AGBL4: variants seen among roughly 807,000 people sequenced by gnomAD.
AGBL4 encodes AGBL carboxypeptidase 4, also known as cytosolic carboxypeptidase 6.
A neutral mutation model predicts 66.4 loss-of-function variants in AGBL4; 58 were observed. The ratio of observed to expected loss-of-function variants is 0.87; its 90% CI spans 0.71 to 1.09. The LOEUF (loss-of-function observed/expected upper bound fraction) is 1.09. Among genes scored for constraint, AGBL4 ranks in the 50% least tolerant of loss-of-function variants. AGBL4 has a pLI of 0.00. For missense variants in AGBL4, 579 were observed against 631.0 expected, an observed-to-expected ratio of 0.92 and a Z score of 0.88; for synonymous variants, 234 against 222.9, an observed-to-expected ratio of 1.05 and a Z score of -0.44.
At chr1:49,023,844 T>C (rs551117450) in intron 5 of AGBL4, among the ~76,000 whole-genome samples, 1 of 152,280 alleles carries the variant, frequency 6.6e-6, no homozygotes, top group South Asian at 2.1e-4. Flanking sequence ...ACCTCTGCCC[T>C]CTAATTAAAA....
intron 1 of AGBL4, among the ~76,000 whole-genome samples, chr1:49,924,688 C>T (rs893862603): frequency 1.3e-5 from 2 of 152,012 alleles, no homozygotes; most frequent in African/African-American, 4.8e-5. Context: ...CAATTTAATC[C>T]TCATATCTCC....
chr1:49,570,134 GT>G (rs1644297387), intron 3 of AGBL4, among the ~76,000 whole-genome samples: 2 of 152,096 alleles, frequency 1.3e-5, no homozygotes, highest in South Asian at 4.2e-4. Context: ...TCTATTTTTA[GT>G]TCTTTGAGAA....
At chr1:49,127,463 C>A (rs530422358) in intron 4 of AGBL4, among the ~76,000 whole-genome samples, 8 of 152,074 alleles carry the variant, frequency 5.3e-5, no homozygotes, top group African/African-American at 1.9e-4. Context: ...ATATAAATGG[C>A]CAATTGGGGT....
chr1:48,605,365 G>A (rs1407579523), intron 9 of AGBL4, among the ~76,000 whole-genome samples: 3 of 152,142 alleles, frequency 2.0e-5, no homozygotes, highest in Non-Finnish European at 4.4e-5. Context: ...ATGCCAAATT[G>A]AGAGCTTCCA....
At chr1:48,701,493 A>G (rs1014577145) in intron 6 of AGBL4, among the ~76,000 whole-genome samples, 1 of 150,228 alleles carries the variant, frequency 6.7e-6, no homozygotes, top group African/African-American at 2.5e-5. Context: ...GATAGATCTC[A>G]TTGTATTTCC....
chr1:50,011,194 AAGTC>A (rs752792382), intron 1 of AGBL4, among the ~76,000 whole-genome samples: 31 of 152,336 alleles, frequency 2.0e-4, no homozygotes, highest in Admixed American at 1.2e-3. Flanking sequence ...TATAGGAAAA[AAGTC>A]AGTAATCTGA....
At chr1:50,014,329 C>G (rs1661774765) in intron 1 of AGBL4, among the ~76,000 whole-genome samples, 2 of 151,288 alleles carry the variant, frequency 1.3e-5, no homozygotes, top group Admixed American at 1.3e-4. Context: ...CAAGATCACA[C>G]TACTGCACTC....
At chr1:49,794,222 A>AT (rs913111686) in intron 2 of AGBL4, among the ~76,000 whole-genome samples, 7 of 151,584 alleles carry the variant, frequency 4.6e-5, no homozygotes, top group East Asian at 3.9e-4. Flanking sequence ...AAATATTGTC[A>AT]TTTTTTTTGC....
intron 4 of AGBL4, among the ~76,000 whole-genome samples, chr1:49,079,274 G>T (rs1293399174): frequency 6.6e-6 from 1 of 152,170 alleles, no homozygotes; most frequent in African/African-American, 2.4e-5. Context: ...CAGTCAAGGT[G>T]TATTAATCCA....
At chr1:49,566,674 G>A (rs1417787565) in intron 3 of AGBL4, among the ~76,000 whole-genome samples, 1 of 152,154 alleles carries the variant, frequency 6.6e-6, no homozygotes, top group Non-Finnish European at 1.5e-5. Context: ...GTCTCAGAGG[G>A]GTACCTGGCT....
intron 5 of AGBL4, among the ~76,000 whole-genome samples, chr1:49,015,572 G>A (rs888474162): frequency 1.3e-5 from 2 of 151,712 alleles, no homozygotes; most frequent in African/African-American, 2.4e-5. Context: ...ACAGGCGCCC[G>A]CCACCACGCC....
chr1:48,758,672 C>A (rs929898019), intron 6 of AGBL4, among the ~76,000 whole-genome samples: 1 of 152,186 alleles, frequency 6.6e-6, no homozygotes, highest in African/African-American at 2.4e-5. Context: ...AGTCTCTGAC[C>A]CATGTTCGCC....
chr1:49,019,858 T>C (rs2149019729), intron 5 of AGBL4, among the ~76,000 whole-genome samples: 1 of 152,302 alleles, frequency 6.6e-6, no homozygotes, highest in South Asian at 2.1e-4. Context: ...TTTAGGCAAG[T>C]TATTTAGTCT....
At chr1:49,739,108 A>T (rs1472749627) in intron 2 of AGBL4, among the ~76,000 whole-genome samples, 2 of 152,220 alleles carry the variant, frequency 1.3e-5, no homozygotes, top group Non-Finnish European at 2.9e-5. Flanking sequence ...AACTACTCTG[A>T]GCTAAAGGAG....
intron 8 of AGBL4, among the ~76,000 whole-genome samples, chr1:48,641,850 A>G (rs114959279): frequency 1.1e-3 from 163 of 152,316 alleles, no homozygotes; most frequent in Non-Finnish European, 1.9e-3. Flanking sequence ...GGAGTCAGGT[A>G]AGAGCCTAAT....
intron 3 of AGBL4, among the ~76,000 whole-genome samples, chr1:49,522,917 C>T (rs1311441310): frequency 6.6e-6 from 1 of 152,038 alleles, no homozygotes; most frequent in Admixed American, 6.5e-5. Flanking sequence ...ACAGTGCTTG[C>T]CCTCTGCTCA....
intron 3 of AGBL4, among the ~76,000 whole-genome samples, chr1:49,676,786 T>C (rs762687391): frequency 6.6e-6 from 1 of 152,074 alleles, no homozygotes; most frequent in Non-Finnish European, 1.5e-5. Flanking sequence ...ATTTTGTACA[T>C]AGAGGGGCGA....
chr1:49,645,906 A>C (rs1192680287), intron 3 of AGBL4, among the ~76,000 whole-genome samples: 2 of 151,536 alleles, frequency 1.3e-5, no homozygotes, highest in Non-Finnish European at 3.0e-5. Flanking sequence ...TTAACAAACT[A>C]AAAAAGAAAA....
At chr1:49,464,916 ACTC>A (rs1646592948) in intron 3 of AGBL4, among the ~76,000 whole-genome samples, 1 of 150,988 alleles carries the variant, frequency 6.6e-6, no homozygotes, top group Non-Finnish European at 1.5e-5. Flanking sequence ...ACCACCCTCT[ACTC>A]CTCTCCTGGT....
Sources: gnomAD v4.1 joint callset for allele counts (sites outside exome capture counted in the v4.1 genomes callset) on GRCh38, gnomAD v4.1.1 for gene constraint, MANE v1.5 for transcripts, NCBI Gene and HGNC (gene_info 2026-07-23, HGNC 2026-07-21) for gene names.